The following MAN2B1 variants were observed in gnomAD, a reference collection of about 807,000 sequenced individuals.
MAN2B1 encodes the protein lysosomal alpha-mannosidase.
Under a neutral mutation model 127.5 loss-of-function variants are expected in MAN2B1, and 99 were observed. The observed-to-expected ratio is 0.78, with a 90% CI of 0.66 to 0.92. The LOEUF is 0.92. MAN2B1 is among the 40% of genes least tolerant of loss of function. The pLI is 0.00. For missense variants in MAN2B1, 1,304 were observed against 1,384.8 expected (o/e 0.94, Z 0.93); for synonymous variants, 573 against 568.8 (o/e 1.01, Z -0.11).
intron 18 of MAN2B1, among the ~76,000 whole-genome samples, 176 bp from the exon 19 acceptor site, chr19:12,649,604 C>G (rs1270249222): frequency 6.6e-6 from 1 of 151,456 alleles, no homozygotes; most frequent in Non-Finnish European, 1.5e-5. Context: ...GCCTCAGCCT[C>G]CCGAGTAGCT....
At position 12,655,839 on chromosome 19, in the gene MAN2B1, G is replaced by T. The variant is rs368245289; in HGVS notation, c.1685C>A (p.Pro562Gln). Residue 562 changes from proline to glutamine, a missense_variant, in exon 14 of 24, where the codon CCG (proline) becomes CAG (glutamine). Physicochemically the swap from Pro to Gln is moderately conservative, Grantham distance 76. Transcript: ENST00000456935. ...FPSSDSQAHP[P>Q]ELLFSASLPA... is the part of the protein sequence containing the mutation. ...CAGTGAGGCTGAGAACAGCAGCTCC[G>T]GAGGGTGCGCCTGGCTGTCTGAGCT... 9.3e-6 allele frequency: 15 copies of T among 1,613,812 alleles called. No homozygotes were observed. In the Admixed American group the frequency reaches 1.3e-4, roughly 14 times the overall value.
chr19:12,647,691 G>T lies in MAN2B1; in HGVS notation c.2665-93C>A. 1 of 1,061,982 alleles carries T rather than the reference G, an allele frequency of 9.4e-7. No individual in the cohort carries two copies. The highest frequency in any genetic ancestry group is 1.4e-6 in the Non-Finnish European group (1 of 735,752). The allele number at this position is 1,061,982 out of a possible 1,614,324, so 65.8% of individuals were successfully genotyped here. The stretch of plus-strand genomic sequence containing the variant: ...CCAGGTCAGGAGGCAGGGCTAGGTT[G>T]TAGGGGCGGGGTTTCGCCGGAGAGG... On this transcript the variant is annotated intron_variant, in intron 21 of 23. Transcript: ENST00000456935. This position sits in a 1 kb window ranked among gnomAD's most constrained non-coding sequence, Gnocchi z 4.9.
At position 12,656,695 on chromosome 19, in the gene MAN2B1, G is replaced by A. The variant is rs369305495; in HGVS notation, c.1528-8C>T. ...ATAAACGATGACCTGGAACTGGGGA[G>A]GCGGGGGTCAGAGAGGGCATGGGTC... On this transcript the variant is annotated splice_region_variant and splice_polypyrimidine_tract_variant and intron_variant, in intron 12 of 23. Coordinates refer to ENST00000456935, the MANE Select transcript of MAN2B1 (RefSeq NM_000528.4). 6.8e-5 allele frequency: 109 copies of A among 1,593,544 alleles called. No homozygotes were observed. Among genetic ancestry groups the A allele is most frequent in the Middle Eastern group, 1.7e-4 (1 of 6,040 alleles).
rs753033196 is a variant in MAN2B1 at position 12,657,549 on chromosome 19, G to T, written c.1316C>A (p.Ala439Glu). 1 of 1,560,898 alleles carries T rather than the reference G, an allele frequency of 6.4e-7. No homozygotes were observed. The highest frequency in any genetic ancestry group is 8.7e-7 in the Non-Finnish European group (1 of 1,152,584). Reference sequence around the variant, plus strand: ...GTCGTGATGCTGGAGCACAGCCATCGCCTCATCTGCTCATAGACAATGAGT... The same window carrying T: ...GTCGTGATGCTGGAGCACAGCCATCTCCTCATCTGCTCATAGACAATGAGT... ...GSGDSAPLNE[A>E]MAVLQHHDAV... Residue 439 changes from alanine (A) to glutamate (E), a missense_variant, in exon 11 of 24, where the codon GCG becomes GAG. By Grantham distance (107) the Ala-to-Glu change is moderately radical. Coordinates refer to ENST00000456935, the MANE Select transcript of MAN2B1 (RefSeq NM_000528.4).
intron 14 of MAN2B1, among the ~76,000 whole-genome samples, chr19:12,654,814 C>T (rs752936783): frequency 2.0e-5 from 3 of 152,000 alleles, no homozygotes; most frequent in Non-Finnish European, 2.9e-5. Context: ...GCTGGGATTA[C>T]AGACGTGTAC....
Position 12,652,251 on chromosome 19 carries a change from C to T in MAN2B1, c.1948G>A (p.Asp650Asn). The change falls in exon 16 of 24, where the codon GAC (aspartate) becomes AAC (asparagine). Residue 650 changes from aspartate (D) to asparagine (N), a missense_variant. By Grantham distance (23) the Asp-to-Asn change is conservative. Transcript: ENST00000456935. The stretch of plus-strand genomic sequence containing the variant: ...CCTGAGGCCTGGTCACTTTCGTTGT[C>T]ACCTATACTGGCGTTGTACCTGGAG... ...TFFWYNASIG[D>N]NESDQASGAY... is the part of the protein sequence containing the mutation. 1 of 1,614,114 alleles carries T rather than the reference C, an allele frequency of 6.2e-7. No individual in the cohort carries two copies. The highest frequency in any genetic ancestry group is 8.5e-7 in the Non-Finnish European group (1 of 1,180,014).
intron 1 of MAN2B1, 24 bp downstream of exon 1, chr19:12,666,519 T>A: frequency 6.4e-7 from 1 of 1,568,554 alleles, no homozygotes; most frequent in African/African-American, 1.3e-5. Flanking sequence ...CTCCTGTACG[T>A]TTCAGCTCGG....
intron 6 of MAN2B1, among the ~76,000 whole-genome samples, chr19:12,662,893 A>T (rs918005898): frequency 1.6e-4 from 24 of 147,914 alleles, no homozygotes; most frequent in Non-Finnish European, 2.7e-4. Context: ...AGCTGAGATC[A>T]TGCCACTGCA....
intron 10 of MAN2B1, 120 bp from the exon 11 acceptor site, chr19:12,657,675 A>T (rs2024001526): frequency 2.2e-6 from 2 of 910,062 alleles, no homozygotes; most frequent in Admixed American, 4.0e-5. Flanking sequence ...GAACTCGAGG[A>T]CGGCTGGGGG....
intron 14 of MAN2B1, among the ~76,000 whole-genome samples, 157 bp from the exon 15 acceptor site, chr19:12,652,617 C>T (rs562863302): frequency 2.6e-5 from 4 of 150,948 alleles, no homozygotes; most frequent in Admixed American, 1.3e-4. Context: ...CTGCACCCCC[C>T]ACCTCCCGGG....
rs751434655 is a variant in MAN2B1, at chr19:12,652,209, G to A, written c.1990C>T (p.Pro664Ser). The change falls in exon 16 of 24, where the codon CCC becomes TCC. Residue 664 changes from proline to serine, a missense_variant. Transcript: ENST00000456935. ...DQASGAYIFR[P>S]NQQKPLPVSR... The stretch of plus-strand genomic sequence containing the variant: ...ACAGGCAGCGGTTTCTGTTGGTTGG[G>A]TCTGAAGATGTAGGCACCTGAGGCC... The A allele has an allele frequency of 3.1e-6, 5 of 1,614,132 alleles. No homozygotes were observed. Among genetic ancestry groups the A allele is most frequent in the Non-Finnish European group, 4.2e-6 (5 of 1,180,024 alleles).
At chr19:12,665,565 G>A (rs370938854) in intron 2 of MAN2B1, 40 bp from the exon 3 acceptor site, 1 of 1,611,976 alleles carries the variant, frequency 6.2e-7, no homozygotes, top group Admixed American at 1.7e-5. Flanking sequence ...GAACAGCAGA[G>A]CCAAGGGGGT....
chr19:12,654,046 CTT>C (rs869287950), intron 14 of MAN2B1, among the ~76,000 whole-genome samples: 9 of 135,036 alleles, frequency 6.7e-5, no homozygotes, highest in South Asian at 2.4e-4. Flanking sequence ...CTTTTTTTTT[CTT>C]TTTTTTTTTT....
Position 12,649,404 on chromosome 19 carries a change from T to C in MAN2B1, c.2292A>G (p.Lys764=), listed in dbSNP as rs2023781945. ...CTGCCACGGGCTCCGTCTGGTTCAGTTTCCAGGTGGGTCGATAATCCCGCC... is the reference window on the plus strand; with the variant it reads ...CTGCCACGGGCTCCGTCTGGTTCAGCTTCCAGGTGGGTCGATAATCCCGCC... The part of the protein sequence containing the change: ...ERRRDYRPTW[K]LNQTEPVAGN... Residue 764 remains lysine, a synonymous_variant, in exon 19 of 24, where the codon AAA becomes AAG. Coordinates refer to ENST00000456935, the MANE Select transcript of MAN2B1 (RefSeq NM_000528.4). 6.2e-7 allele frequency: 1 copy of C among 1,612,310 alleles called. No individual in the cohort carries two copies. Among genetic ancestry groups the C allele is most frequent in the South Asian group, 1.1e-5 (1 of 90,950 alleles).
rs149484019 is a variant in MAN2B1 at position 12,663,437 on chromosome 19, C to T, written c.789G>A (p.Pro263=). 8.9e-5 allele frequency: 143 copies of T among 1,614,086 alleles called. No individual in the cohort carries two copies. The highest frequency in any genetic ancestry group is 1.6e-4 in the Middle Eastern group (1 of 6,062). The change falls in exon 6 of 24, where the codon CCG becomes CCA. Residue 263 remains proline (P), a synonymous_variant. Coordinates refer to ENST00000456935, the MANE Select transcript of MAN2B1 (RefSeq NM_000528.4). ...GCACATCCCAGCACAGATTCCTTGG[C>T]GGGTTGTAACCATTGGGAAGCACAC... ...FTGVLPNGYN[P]PRNLCWDVLC...
chr19:12,652,524 TTTTTC>T, intron 14 of MAN2B1, 64 bp from the exon 15 acceptor site: 1 of 1,004,610 alleles, frequency 1.0e-6, no homozygotes, highest in Non-Finnish European at 1.5e-6. Flanking sequence ...CTTTTTTTAA[TTTTTC>T]TTTTTTCTTT....
intron 21 of MAN2B1, 63 bp downstream of exon 21, chr19:12,648,112 C>T (rs866468803): frequency 6.8e-7 from 1 of 1,467,362 alleles, no homozygotes; most frequent in Non-Finnish European, 9.2e-7. Context: ...AAACTCCGCA[C>T]CCAAACCCGG....
Position 12,664,782 on chromosome 19 carries a change from C to T in MAN2B1, c.630+10G>A, listed in dbSNP as rs1200800972. The T allele has an allele frequency of 1.2e-6, 2 of 1,610,486 alleles. No homozygotes were observed. Among genetic ancestry groups the T allele is most frequent in the South Asian group, 1.1e-5 (1 of 90,612 alleles). ...GAAGAAGTGGGCCCAAGAGAGGTCC[C>T]GGGTCGCACCTGCGCAAACAGCGAG... On this transcript the variant is annotated intron_variant, in intron 4 of 23. Coordinates refer to ENST00000456935, the MANE Select transcript of MAN2B1 (RefSeq NM_000528.4).
intron 7 of MAN2B1, among the ~76,000 whole-genome samples, chr19:12,659,297 CTTTT>C (rs34781385): frequency 8.8e-6 from 1 of 113,918 alleles, no homozygotes. Flanking sequence ...GCTCAATAAA[CTTTT>C]TTTTTTTTTT....
Sources: allele counts gnomAD v4.1 joint callset (sites outside exome capture counted in the v4.1 genomes callset), GRCh38; gene constraint gnomAD v4.1.1; non-coding constraint Gnocchi (gnomAD v3.1); transcripts MANE v1.5; gene names NCBI Gene and HGNC (gene_info 2026-07-23, HGNC 2026-07-21).